The following METRN variants were observed in gnomAD, a reference collection of about 807,000 sequenced individuals.
METRN encodes meteorin, glial cell differentiation regulator.
A neutral mutation model predicts 17.4 loss-of-function variants in METRN; 17 were observed. The ratio of observed to expected loss-of-function variants is 0.98; its 90% CI spans 0.67 to 1.46. The LOEUF is 1.46. Among genes scored for constraint, METRN ranks in the 40% most tolerant of loss-of-function variants. METRN has a pLI of 0.00. For synonymous variants in METRN, 230 were observed against 210.8 expected, an observed-to-expected ratio of 1.09 and a Z score of -0.79; for missense variants, 489 against 456.2, an observed-to-expected ratio of 1.07 and a Z score of -0.65.
rs777710497 is a variant in METRN at position 716,891 on chromosome 16, G to C, written c.506-42G>C. 1.2e-5 allele frequency: 19 copies of C among 1,530,958 alleles called. No individual in the cohort carries two copies. The Admixed American group carries it at 2.5e-4, about 20-fold the overall frequency. 94.8% of individuals were successfully genotyped at this position (1,530,958 alleles called of 1,614,324 possible). The stretch of plus-strand genomic sequence containing the variant: ...GGGACGGGGCCTGGGGTGATGCCGG[G>C]AGAGGGCAGGGCCTCTCCTCACCAC... On this transcript the variant is annotated intron_variant, in intron 2 of 3. Transcript: ENST00000568223.
chr16:715,977 C>T lies in METRN; in HGVS notation c.498C>T (p.Gly166=), dbSNP rs755706771. Residue 166 remains glycine, a synonymous_variant, in exon 2 of 4, where the codon GGC becomes GGT. Coordinates refer to ENST00000568223, the MANE Select transcript of METRN (RefSeq NM_024042.4). The stretch of plus-strand genomic sequence containing the variant: ...TGCCCCCGCAGGCCCACGGTCTCGG[C>T]GTAGACGGTGAGTGGCGGTCTGGTT... ...PELPPQAHGL[G]VDGACRPCSD... is the part of the protein sequence containing the mutation. The T allele has an allele frequency of 8.4e-5, 122 of 1,456,822 alleles. No individual in the cohort carries two copies. The highest frequency in any genetic ancestry group is 1.0e-4 in the Non-Finnish European group (114 of 1,110,240). 90.2% of individuals were successfully genotyped at this position (1,456,822 alleles called of 1,614,324 possible).
chr16:717,555 C>G lies in METRN; in HGVS notation c.*168C>G, dbSNP rs566096229. 7.3e-6 allele frequency: 4 copies of G among 547,112 alleles called. No individual in the cohort carries two copies. Among genetic ancestry groups the G allele is most frequent in the Non-Finnish European group, 8.6e-6 (3 of 349,258 alleles). 33.9% of individuals were successfully genotyped at this position (547,112 alleles called of 1,614,324 possible). A position where few individuals can be genotyped will look rare whatever the true frequency, so the allele number is the denominator to read the frequency against. ...CGCAGCTGTGAGGATGGCTCCAATTCCTGCCTCCTGGCGGGAGACTGAGGC... is the reference window on the plus strand; with the variant it reads ...CGCAGCTGTGAGGATGGCTCCAATTGCTGCCTCCTGGCGGGAGACTGAGGC... On this transcript the variant is annotated 3_prime_UTR_variant, in exon 4 of 4. Transcript: ENST00000568223.
chr16:717,167 C>A lies in METRN; in HGVS notation c.662C>A (p.Pro221Gln). 6.2e-7 allele frequency: 1 copy of A among 1,605,414 alleles called. No homozygotes were observed. Among genetic ancestry groups the A allele is most frequent in the South Asian group, 1.1e-5 (1 of 90,178 alleles). The change falls in exon 4 of 4, where the codon CCG (proline) becomes CAG (glutamine). Residue 221 changes from proline to glutamine, a missense_variant. By Grantham distance (76) the Pro-to-Gln change is moderately conservative (BLOSUM62 -1). Coordinates refer to ENST00000568223, the MANE Select transcript of METRN (RefSeq NM_024042.4). ...VAARVLRQTP[P>Q]LFQAGRSGDQ... ...GCCCGTGTCCTCCGCCAGACACCGC[C>A]GCTGTTCCAGGCGGGGCGATCCGGG...
intron 1 of METRN, 74 bp from the exon 2 acceptor site, chr16:715,510 C>T (rs949667080): frequency 1.3e-5 from 16 of 1,272,924 alleles, no homozygotes; most frequent in Admixed American, 4.3e-5. Context: ...GCGAGGCGGC[C>T]TCGGGAGGGA....
At chr16:716,091 C>CTGTA in intron 2 of METRN, 107 bp downstream of exon 2, 1 of 1,336,956 alleles carries the variant, frequency 7.5e-7, no homozygotes, top group African/African-American at 1.5e-5. Flanking sequence ...AAAAAGTGAG[C>CTGTA]TACAAGGGTT....
intron 2 of METRN, 95 bp from the exon 3 acceptor site, chr16:716,838 T>G: frequency 9.4e-6 from 14 of 1,493,130 alleles, no homozygotes; most frequent in Non-Finnish European, 1.2e-5. Flanking sequence ...CTCATTTGCC[T>G]GCTGCCTCCT....
rs1466442249 is a variant in METRN at position 717,417 on chromosome 16, G to T, written c.*30G>T. Reference sequence around the variant, plus strand: ...CTGGGTGCTGGGGAGGGGCTGGTAGGAGGGAGGGTGGGCCCACTGCTTTGG... The same window carrying T: ...CTGGGTGCTGGGGAGGGGCTGGTAGTAGGGAGGGTGGGCCCACTGCTTTGG... On this transcript the variant is annotated 3_prime_UTR_variant, in exon 4 of 4. Coordinates refer to ENST00000568223, the MANE Select transcript of METRN (RefSeq NM_024042.4). The T allele has an allele frequency of 1.6e-6, 2 of 1,245,220 alleles. No individual in the cohort carries two copies. The highest frequency in any genetic ancestry group is 2.1e-6 in the Non-Finnish European group (2 of 957,704). 77.1% of individuals were successfully genotyped at this position (1,245,220 alleles called of 1,614,324 possible). A position where few individuals can be genotyped will look rare whatever the true frequency, so the allele number is the denominator to read the frequency against.
In METRN at chr16:715,587, C is replaced by A; in HGVS notation, c.108C>A (p.Gly36=). 2 of 1,362,226 alleles carry A rather than the reference C, an allele frequency of 1.5e-6. No homozygotes were observed. Among genetic ancestry groups the A allele is most frequent in the Non-Finnish European group, 1.9e-6 (2 of 1,062,856 alleles). The allele number at this position is 1,362,226 out of a possible 1,614,324, so 84.4% of individuals were successfully genotyped here. The change falls in exon 2 of 4, where the codon GGC becomes GGA. Residue 36 remains glycine (G), a synonymous_variant. Transcript: ENST00000568223. ...CCCCGTCCCGTCCTGTCCCCAGCGG[C>A]CTCACCCAGGAGCCCGGCAGCGTGG... ...SEERCSWRGS[G]LTQEPGSVGQ...
rs1158523710 is a variant in METRN, at chr16:717,585, G to A, written c.*198G>A. ...CTCCTGGCGGGAGACTGAGGCTCAG[G>A]GGAATGGTATCTTGTTCAAGACCAT... On this transcript the variant is annotated 3_prime_UTR_variant, in exon 4 of 4. Transcript: ENST00000568223. 2.1e-5 allele frequency: 10 copies of A among 473,050 alleles called. No homozygotes were observed. In the East Asian group the frequency reaches 3.1e-4, roughly 15 times the overall value. The allele number at this position is 473,050 out of a possible 1,614,324, so 29.3% of individuals were successfully genotyped here.
Position 717,296 on chromosome 16 carries a change from T to C in METRN, c.791T>C (p.Leu264Pro), listed in dbSNP as rs1416335632. Reference protein sequence around the residue: ...MGWSRFGEARLGCAPRFQEFR... With the variant: ...MGWSRFGEARPGCAPRFQEFR... The stretch of plus-strand genomic sequence containing the variant: ...TGGAGCCGCTTTGGGGAGGCCCGGC[T>C]GGGCTGTGCCCCACGATTCCAGGAG... Residue 264 changes from leucine to proline, a missense_variant, in exon 4 of 4, where the codon CTG becomes CCG. Leu to Pro is a moderately conservative substitution (Grantham distance 98). Coordinates refer to ENST00000568223, the MANE Select transcript of METRN (RefSeq NM_024042.4). 7.2e-6 allele frequency: 11 copies of C among 1,531,030 alleles called. No individual in the cohort carries two copies. In the South Asian group the frequency reaches 1.2e-4, roughly 17 times the overall value. 94.8% of individuals were successfully genotyped at this position (1,531,030 alleles called of 1,614,324 possible). A position where few individuals can be genotyped will look rare whatever the true frequency, so the allele number is the denominator to read the frequency against.
At chr16:716,409 C>T (rs2040162377) in intron 2 of METRN, 3 of 1,430,182 alleles carry the variant, frequency 2.1e-6, no homozygotes, top group Middle Eastern at 2.4e-4. Flanking sequence ...CGCTCGCCTC[C>T]CTGCAGGGCA....
At chr16:716,209 G>A (rs2040160716) in intron 2 of METRN, 1 of 985,456 alleles carries the variant, frequency 1.0e-6, no homozygotes, top group Non-Finnish European at 1.2e-6. Context: ...CAGAGTGGAG[G>A]GAAGGGGAGG....
intron 2 of METRN, 47 bp downstream of exon 2, chr16:716,031 CCCT>C: frequency 7.2e-7 from 1 of 1,397,364 alleles, no homozygotes; most frequent in Non-Finnish European, 9.3e-7. Flanking sequence ...CGAAGTCTTA[CCCT>C]GCCTGGGCTT....
At position 718,882 on chromosome 16, in the gene METRN, C is replaced by T. The variant is rs2040182979; in HGVS notation, c.*1495C>T. ...CAACCTCCACTTTTTCATCTTCAGC[C>T]CTGACCACTCCCTGGGGCCCATAGC... On this transcript the variant is annotated 3_prime_UTR_variant, in exon 4 of 4. Transcript: ENST00000568223. 1 of 152,466 alleles carries T rather than the reference C, an allele frequency of 6.6e-6. No individual in the cohort carries two copies. The highest frequency in any genetic ancestry group is 2.1e-4 in the South Asian group (1 of 4,842). 9.4% of individuals were successfully genotyped at this position (152,466 alleles called of 1,614,324 possible).
chr16:716,763 G>T (rs754531934), intron 2 of METRN, 170 bp from the exon 3 acceptor site: 1 of 1,533,948 alleles, frequency 6.5e-7, no homozygotes, highest in Non-Finnish European at 8.7e-7. Context: ...CGCCGAGGGC[G>T]TGCACATCTG....
In METRN at chr16:717,426, T is replaced by TG. The variant is rs5815052; in HGVS notation, c.*42dup. ...GGGGAGGGGCTGGTAGGAGGGAGGG[T>TG]GGGCCCACTGCTTTGGAGGTGATGG... On this transcript the variant is annotated 3_prime_UTR_variant, in exon 4 of 4. Transcript: ENST00000568223. 164,626 of 1,121,756 alleles carry TG rather than the reference T, an allele frequency of 0.15. 23,887 individuals carry two copies. Among genetic ancestry groups the TG allele is most frequent in the East Asian group, 0.54 (17,877 of 33,362 alleles). 69.5% of individuals were successfully genotyped at this position (1,121,756 alleles called of 1,614,324 possible). A position where few individuals can be genotyped will look rare whatever the true frequency, so the allele number is the denominator to read the frequency against.
Position 715,829 on chromosome 16 carries a change from G to T in METRN, c.350G>T (p.Arg117Leu), listed in dbSNP as rs1286946181. 2.3e-6 allele frequency: 3 copies of T among 1,295,004 alleles called. No homozygotes were observed. In the African/African-American group the frequency reaches 4.7e-5, roughly 20 times the overall value. The allele number at this position is 1,295,004 out of a possible 1,614,324, so 80.2% of individuals were successfully genotyped here. ...GAGGGCCCGGGCCCGGCAGGGGGCC[G>T]CTGCGTGCGCTGGGGTCCCCGCGAG... is the stretch of plus-strand genomic sequence containing the variant. ...LAEGPGPAGG[R>L]CVRWGPRERR... The change falls in exon 2 of 4, where the codon CGC becomes CTC. Residue 117 changes from arginine to leucine, a missense_variant. By Grantham distance (102) the Arg-to-Leu change is moderately radical. Transcript: ENST00000568223.
Position 715,696 on chromosome 16 carries a change from G to A in METRN, c.217G>A (p.Asp73Asn), listed in dbSNP as rs2040154466. 4.3e-6 allele frequency: 6 copies of A among 1,398,098 alleles called. No individual in the cohort carries two copies. The highest frequency in any genetic ancestry group is 1.5e-5 in the South Asian group (1 of 66,188). 86.6% of individuals were successfully genotyped at this position (1,398,098 alleles called of 1,614,324 possible). Residue 73 changes from aspartate (D) to asparagine (N), a missense_variant, in exon 2 of 4, where the codon GAT (aspartate) becomes AAT (asparagine). Coordinates refer to ENST00000568223, the MANE Select transcript of METRN (RefSeq NM_024042.4). ...GCTGCGCCTGACCCTGGGCGGCCCC[G>A]ATCCCAGAGCGCGGCCCGGCATCGC... is the stretch of plus-strand genomic sequence containing the variant. ...GALRLTLGGPDPRARPGIACL... is the reference protein window; with the variant it reads ...GALRLTLGGPNPRARPGIACL...
chr16:715,753 G>A lies in METRN; in HGVS notation c.274G>A (p.Ala92Thr). 1 of 1,279,486 alleles carries A rather than the reference G, an allele frequency of 7.8e-7. No homozygotes were observed. The highest frequency in any genetic ancestry group is 9.8e-7 in the Non-Finnish European group (1 of 1,016,958). 79.3% of individuals were successfully genotyped at this position (1,279,486 alleles called of 1,614,324 possible). A position where few individuals can be genotyped will look rare whatever the true frequency, so the allele number is the denominator to read the frequency against. ...GCGGCCGGTGCGGCCCTTCGCGGGC[G>A]CCCAGGTCTTCGCGGAGCGCGCAGG... ...CLRPVRPFAGAQVFAERAGGA... is the reference protein window; with the variant it reads ...CLRPVRPFAGTQVFAERAGGA... Residue 92 changes from alanine (A) to threonine (T), a missense_variant, in exon 2 of 4, where the codon GCC (alanine) becomes ACC (threonine). By Grantham distance (58) the Ala-to-Thr change is moderately conservative. Transcript: ENST00000568223.
Sources: allele counts gnomAD v4.1 joint callset, GRCh38; gene constraint gnomAD v4.1.1; transcripts MANE v1.5; gene names NCBI Gene and HGNC (gene_info 2026-07-23, HGNC 2026-07-21).